Variants in COL11A2 observed in about 807,000 individuals in gnomAD.
COL11A2 encodes the protein collagen alpha-2(XI) chain.
In COL11A2, 116 loss-of-function variants were observed where a neutral mutation model predicts 273.4. That is an observed-to-expected ratio of 0.42 (90% confidence interval 0.36 to 0.49). The LOEUF is 0.49. COL11A2 is among the 20% of genes least tolerant of loss of function. The pLI is 0.00. For synonymous variants in COL11A2, 782 were observed against 864.2 expected, an observed-to-expected ratio of 0.90 and a Z score of 1.67; for missense variants, 1,866 against 2,309.0, an observed-to-expected ratio of 0.81 and a Z score of 3.93.
chr6:33,163,389 C>T lies in COL11A2; in HGVS notation c.*289G>A, dbSNP rs943314784. On this transcript the variant is annotated 3_prime_UTR_variant, in exon 66 of 66. Transcript: ENST00000341947. This position sits in a 1 kb window ranked among gnomAD's most constrained non-coding sequence, Gnocchi z 4.1. ...TACGCCATGTCCTTTCTCTTCTCTT[C>T]CATTTGTTTGGGGTGATTGGGAGGT... 17 of 532,870 alleles carry T rather than the reference C, an allele frequency of 3.2e-5. No homozygotes were observed. Among genetic ancestry groups the T allele is most frequent in the Non-Finnish European group, 5.0e-5 (15 of 298,380 alleles). The allele number at this position is 532,870 out of a possible 1,614,324, so 33.0% of individuals were successfully genotyped here.
chr6:33,174,702 A>C, intron 30 of COL11A2, 122 bp from the exon 31 acceptor site: 1 of 874,628 alleles, frequency 1.1e-6, no homozygotes, highest in South Asian at 1.4e-5. Flanking sequence ...CACACACCCC[A>C]GCCTCTAGCC....
chr6:33,180,507 C>A (rs1187653581), intron 11 of COL11A2, among the ~76,000 whole-genome samples, 161 bp downstream of exon 11: 1 of 152,176 alleles, frequency 6.6e-6, no homozygotes, highest in Non-Finnish European at 1.5e-5. Flanking sequence ...AGCACCCTCC[C>A]CAACCAGAGT....
At chr6:33,180,108 C>A in intron 12 of COL11A2, 150 bp downstream of exon 12, 2 of 899,202 alleles carry the variant, frequency 2.2e-6, no homozygotes, top group Non-Finnish European at 1.8e-6. Context: ...CCCATCTCCC[C>A]AACCCCAAAG....
chr6:33,179,617 A>G lies in COL11A2; in HGVS notation c.1446+102T>C. On this transcript the variant is annotated intron_variant, in intron 13 of 65. Coordinates refer to ENST00000341947, the MANE Select transcript of COL11A2 (RefSeq NM_080680.3). The surrounding 1 kb of genome is among the most constrained non-coding windows in gnomAD (Gnocchi z 6.4). ...CAGGATTCTCCCCAACCTCCCTGTT[A>G]ACCCCAAACCAACCCAGGCCTCCCC... The G allele has an allele frequency of 6.7e-7, 1 of 1,485,888 alleles. No homozygotes were observed. The highest frequency in any genetic ancestry group is 9.2e-7 in the Non-Finnish European group (1 of 1,083,644). 92.0% of individuals were successfully genotyped at this position (1,485,888 alleles called of 1,614,324 possible).
In COL11A2 at chr6:33,174,050, C is replaced by A; in HGVS notation, c.2490G>T (p.Leu830=). 6.2e-7 allele frequency: 1 copy of A among 1,613,950 alleles called. No individual in the cohort carries two copies. Among genetic ancestry groups the A allele is most frequent in the Non-Finnish European group, 8.5e-7 (1 of 1,179,996 alleles). ...GASGEKGARG[L]SGKSGPRGER... The stretch of plus-strand genomic sequence containing the variant: ...CTCCCCGAGGCCCTGACTTCCCCGA[C>A]AGGCCCTGGTGGGAATGAAGCAGAG... The change falls in exon 33 of 66, where the codon CTG becomes CTT. Residue 830 remains leucine, a synonymous_variant. Coordinates refer to ENST00000341947, the MANE Select transcript of COL11A2 (RefSeq NM_080680.3).
intron 31 of COL11A2, 85 bp downstream of exon 31, chr6:33,174,442 C>T: frequency 6.5e-7 from 1 of 1,546,358 alleles, no homozygotes; most frequent in Non-Finnish European, 8.8e-7. Context: ...CACTGCCCTG[C>T]ATCTGTGCTT....
Position 33,184,200 on chromosome 6 carries a change from C to A in COL11A2, c.1064G>T (p.Arg355Leu), listed in dbSNP as rs768676077. 2.9e-6 allele frequency: 4 copies of A among 1,367,412 alleles called. No homozygotes were observed. The African/African-American group carries it at 5.9e-5, about 20-fold the overall frequency. The allele number at this position is 1,367,412 out of a possible 1,614,324, so 84.7% of individuals were successfully genotyped here. A position where few individuals can be genotyped will look rare whatever the true frequency, so the allele number is the denominator to read the frequency against. Residue 355 changes from arginine to leucine, a missense_variant, in exon 8 of 66, where the codon CGT becomes CTT. Physicochemically the swap from Arg to Leu is moderately radical, Grantham distance 102. Coordinates refer to ENST00000341947, the MANE Select transcript of COL11A2 (RefSeq NM_080680.3). ...DYTYGYGDDY[R>L]EETELGPALS... Reference sequence around the variant, plus strand: ...GGCAGGGCCAAGCTCTGTCTCCTCACGATAATCATCCCCATAGCCATAGGT... The same window carrying A: ...GGCAGGGCCAAGCTCTGTCTCCTCAAGATAATCATCCCCATAGCCATAGGT...
intron 3 of COL11A2, 46 bp from the exon 4 acceptor site, chr6:33,188,570 G>C (rs532356946): frequency 6.2e-6 from 10 of 1,610,888 alleles, no homozygotes; most frequent in Non-Finnish European, 8.5e-7. Flanking sequence ...GCTGACTGAA[G>C]TAGGGGAGTC....
Position 33,171,165 on chromosome 6 carries a change from G to A in COL11A2, c.3315C>T (p.Gly1105=), listed in dbSNP as rs1488408001. Residue 1105 remains glycine, a splice_region_variant and synonymous_variant, in exon 45 of 66, where the codon GGC becomes GGT. Coordinates refer to ENST00000341947, the MANE Select transcript of COL11A2 (RefSeq NM_080680.3). ...KGTKGNKGEH[G]PPGPPGPIGP... Reference sequence around the variant, plus strand: ...CAATGGGTCCAGGGGGTCCAGGAGGGCCCTGGGTAAGAGAAGAGAGTCAGA... The same window carrying A: ...CAATGGGTCCAGGGGGTCCAGGAGGACCCTGGGTAAGAGAAGAGAGTCAGA... The A allele has an allele frequency of 6.2e-7, 1 of 1,607,238 alleles. No individual in the cohort carries two copies. Among genetic ancestry groups the A allele is most frequent in the Non-Finnish European group, 8.5e-7 (1 of 1,176,242 alleles).
In COL11A2 at chr6:33,179,632, C is replaced by T. The variant is rs1161692916; in HGVS notation, c.1446+87G>A. On this transcript the variant is annotated intron_variant, in intron 13 of 65. Coordinates refer to ENST00000341947, the MANE Select transcript of COL11A2 (RefSeq NM_080680.3). The surrounding 1 kb of genome is among the most constrained non-coding windows in gnomAD (Gnocchi z 6.4). ...CCTCCCTGTTAACCCCAAACCAACC[C>T]AGGCCTCCCCTGCCGCACACTCACT... 6.5e-7 allele frequency: 1 copy of T among 1,534,148 alleles called. No homozygotes were observed. The highest frequency in any genetic ancestry group is 1.4e-5 in the African/African-American group (1 of 73,286).
At chr6:33,180,610 G>A (rs938609909) in intron 11 of COL11A2, 58 bp downstream of exon 11, 48 of 1,480,792 alleles carry the variant, frequency 3.2e-5, no homozygotes, top group Middle Eastern at 2.3e-4. Context: ...GTAGCCCCCC[G>A]CTTGGATACC....
chr6:33,168,598 T>C (rs771846459), intron 53 of COL11A2, 26 bp from the exon 54 acceptor site: 1 of 1,612,628 alleles, frequency 6.2e-7, no homozygotes, highest in East Asian at 2.2e-5. Flanking sequence ...TTGGGGTGGC[T>C]GAGTGTTTAT....
Position 33,180,288 on chromosome 6 carries a change from A to G in COL11A2, c.1329T>C (p.Pro443=). The G allele has an allele frequency of 6.2e-7, 1 of 1,613,032 alleles. No homozygotes were observed. The highest frequency in any genetic ancestry group is 8.5e-7 in the Non-Finnish European group (1 of 1,180,040). Residue 443 remains proline (P), a synonymous_variant, in exon 12 of 66, where the codon CCT becomes CCC. Transcript: ENST00000341947. The stretch of plus-strand genomic sequence containing the variant: ...GCATGAGAGATGTGCCAGGAGGACC[A>G]GGAGCCCCATCTGATCCAGGGAGCC... The part of the protein sequence containing the change: ...RAGLPGSDGA[P]GPPGTSLMLP...
chr6:33,183,914 A>G (rs1262307209), intron 8 of COL11A2, among the ~76,000 whole-genome samples: 2 of 148,064 alleles, frequency 1.4e-5, no homozygotes, highest in Non-Finnish European at 3.0e-5. Flanking sequence ...TTTAATTCCC[A>G]ATTGCCCTGA....
rs1483599597 is a variant in COL11A2 at position 33,186,335 on chromosome 6, A to T, written c.798+292T>A. On this transcript the variant is annotated intron_variant, in intron 5 of 65. Coordinates refer to ENST00000341947, the MANE Select transcript of COL11A2 (RefSeq NM_080680.3). Reference sequence around the variant, plus strand: ...CCTCCCCAGCTCTCACCCCTCTCCCACTGTCTCCCAATCTCTTAATTCAAA... The same window carrying T: ...CCTCCCCAGCTCTCACCCCTCTCCCTCTGTCTCCCAATCTCTTAATTCAAA... 6.1e-6 allele frequency: 8 copies of T among 1,311,814 alleles called. No individual in the cohort carries two copies. In the African/African-American group the frequency reaches 1.0e-4, roughly 17 times the overall value. 81.3% of individuals were successfully genotyped at this position (1,311,814 alleles called of 1,614,324 possible).
In COL11A2 at chr6:33,170,067, G is replaced by A. The variant is rs147576338; in HGVS notation, c.3616C>T (p.Leu1206=). Residue 1206 remains leucine, a synonymous_variant, in exon 49 of 66, where the codon CTG becomes TTG. Coordinates refer to ENST00000341947, the MANE Select transcript of COL11A2 (RefSeq NM_080680.3). This position sits in a 1 kb window ranked among gnomAD's most constrained non-coding sequence, Gnocchi z 4.3. ...PQGPPGGVGN[L]GPPGEKGEPG... is the part of the protein sequence containing the mutation. Reference sequence around the variant, plus strand: ...GTTACCTTCTCTCCAGGGGGACCCAGGTTCCCAACACCTCCTGGGGGACCT... The same window carrying A: ...GTTACCTTCTCTCCAGGGGGACCCAAGTTCCCAACACCTCCTGGGGGACCT... The A allele has an allele frequency of 2.1e-4, 331 of 1,613,082 alleles. 3 individuals are homozygous for A. In the South Asian group the frequency reaches 2.3e-3, roughly 11 times the overall value.
chr6:33,167,335 C>T lies in COL11A2; in HGVS notation c.4123-18G>A, dbSNP rs773033938. 1 of 1,613,304 alleles carries T rather than the reference C, an allele frequency of 6.2e-7. No homozygotes were observed. Among genetic ancestry groups the T allele is most frequent in the Non-Finnish European group, 8.5e-7 (1 of 1,179,956 alleles). ...TGCTGACCCTGAAGATTTGAGGGGG[C>T]CACAGGGGTCAGGAGGAGCATCCCC... On this transcript the variant is annotated intron_variant, in intron 56 of 65. Coordinates refer to ENST00000341947, the MANE Select transcript of COL11A2 (RefSeq NM_080680.3). The surrounding 1 kb of genome is among the most constrained non-coding windows in gnomAD (Gnocchi z 6.1).
chr6:33,188,724 A>G (rs933595450), intron 3 of COL11A2, among the ~76,000 whole-genome samples, 200 bp from the exon 4 acceptor site: 1 of 152,184 alleles, frequency 6.6e-6, no homozygotes, highest in African/African-American at 2.4e-5. Flanking sequence ...TTTAATGTCT[A>G]TTTTACAGAT....
Position 33,177,241 on chromosome 6 carries a change from G to A in COL11A2, c.1972-16C>T, listed in dbSNP as rs117435723. ...CGGGAAGACCCTACATACAGGGAAA[G>A]AGAAGTCACAGGGGCCTCCCAGGGT... On this transcript the variant is annotated splice_polypyrimidine_tract_variant and intron_variant, in intron 23 of 65. Coordinates refer to ENST00000341947, the MANE Select transcript of COL11A2 (RefSeq NM_080680.3). This position sits in a 1 kb window ranked among gnomAD's most constrained non-coding sequence, Gnocchi z 5.9. The A allele has an allele frequency of 2.0e-3, 3,255 of 1,613,014 alleles. 233 individuals carry two copies. In the East Asian group the frequency reaches 0.03, roughly 15 times the overall value.
Sources: gnomAD v4.1 joint callset for allele counts (sites outside exome capture counted in the v4.1 genomes callset) on GRCh38, gnomAD v4.1.1 for gene constraint, Gnocchi (gnomAD v3.1) non-coding constraint, MANE v1.5 for transcripts, NCBI Gene and HGNC (gene_info 2026-07-23, HGNC 2026-07-21) for gene names.